The following FTO variants were observed in gnomAD, a reference collection of about 807,000 sequenced individuals.
The protein encoded by FTO is FTO alpha-ketoglutarate dependent dioxygenase.
FTO carries 47 observed loss-of-function variants against 63.9 expected under a neutral mutation model. That is an observed-to-expected ratio of 0.74 (90% confidence interval 0.58 to 0.94). FTO has a LOEUF of 0.94. Ranked by LOEUF, FTO falls within the 40% of genes least tolerant of loss-of-function variation. The probability of loss-of-function intolerance (pLI) is 0.00; values close to 1 mark genes in which losing one functional copy is unlikely to be tolerated. For missense variants in FTO, 562 were observed against 618.1 expected, an observed-to-expected ratio of 0.91 and a Z score of 0.96; for synonymous variants, 207 against 224.4, an observed-to-expected ratio of 0.92 and a Z score of 0.69.
intron 7 of FTO, among the ~76,000 whole-genome samples, chr16:53,896,881 A>G (rs578253704): frequency 6.6e-6 from 1 of 152,230 alleles, no homozygotes; most frequent in African/African-American, 2.4e-5. Context: ...TGGGTTAAAT[A>G]CTTTGAGAGG....
chr16:53,805,691 C>T (rs1298421380), intron 1 of FTO, among the ~76,000 whole-genome samples: 1 of 152,154 alleles, frequency 6.6e-6, no homozygotes, highest in Non-Finnish European at 1.5e-5. Flanking sequence ...CTCAGGTGAT[C>T]GTCCTGCCTC....
chr16:53,747,114 A>G (rs900614585), intron 1 of FTO, among the ~76,000 whole-genome samples: 4 of 152,228 alleles, frequency 2.6e-5, no homozygotes, highest in Non-Finnish European at 5.9e-5. Context: ...CTGTTGATGA[A>G]CACTTTGGTT....
chr16:53,723,767 G>A (rs1177671480), intron 1 of FTO, among the ~76,000 whole-genome samples: 4 of 152,166 alleles, frequency 2.6e-5, no homozygotes, highest in Non-Finnish European at 5.9e-5. Context: ...AGGGAGAGTG[G>A]TAACCTAGGT....
intron 1 of FTO, among the ~76,000 whole-genome samples, chr16:53,762,823 T>C (rs912120614): frequency 6.6e-6 from 1 of 152,218 alleles, no homozygotes; most frequent in African/African-American, 2.4e-5. Flanking sequence ...TTTTAATCAG[T>C]CCTTAACAGA....
intron 1 of FTO, among the ~76,000 whole-genome samples, chr16:53,790,952 A>T (rs568231714): frequency 6.6e-6 from 1 of 152,312 alleles, no homozygotes; most frequent in East Asian, 1.9e-4. Flanking sequence ...AAGACCTGAA[A>T]CAGAGACAGA....
intron 8 of FTO, among the ~76,000 whole-genome samples, chr16:53,976,935 T>G (rs188599688): frequency 1.4e-4 from 21 of 152,304 alleles, no homozygotes; most frequent in African/African-American, 5.0e-4. Context: ...AGGAATTAAA[T>G]AATCCAAAAT....
At chr16:53,945,105 A>G (rs1030432703) in intron 8 of FTO, among the ~76,000 whole-genome samples, 10 of 152,208 alleles carry the variant, frequency 6.6e-5, no homozygotes, top group African/African-American at 2.2e-4. Flanking sequence ...TATGTAAGAA[A>G]GAAGCGACTT....
chr16:53,704,228 A>G lies in FTO; in HGVS notation c.44A>G (p.Lys15Arg). The G allele has an allele frequency of 6.4e-7, 1 of 1,551,436 alleles. No homozygotes were observed. The highest frequency in any genetic ancestry group is 1.4e-5 in the African/African-American group (1 of 73,152). Residue 15 changes from lysine to arginine, a missense_variant and splice_region_variant, in exon 1 of 9, where the codon AAG (lysine) becomes AGG (arginine). Transcript: ENST00000471389. ...GCCGAGGAACGAGAGCGCGAAGCTA[A>G]GGTATGTCGGGCTCCCGGGGCCTGG... is the stretch of plus-strand genomic sequence containing the variant. ...PTAEEREREAKKLRLLEELED... is the reference protein window; with the variant it reads ...PTAEEREREARKLRLLEELED...
chr16:53,998,044 T>C (rs1237082192), intron 8 of FTO, among the ~76,000 whole-genome samples: 1 of 152,212 alleles, frequency 6.6e-6, no homozygotes, highest in Admixed American at 6.5e-5. Context: ...CATAGGCCCC[T>C]CTTTTATGTA....
intron 1 of FTO, among the ~76,000 whole-genome samples, chr16:53,765,704 A>G (rs1221127578): frequency 2.0e-5 from 3 of 152,150 alleles, no homozygotes; most frequent in African/African-American, 7.2e-5. Flanking sequence ...GTGAACTCCA[A>G]AGGATGACAA....
At chr16:54,056,125 T>G (rs2085427664) in intron 8 of FTO, among the ~76,000 whole-genome samples, 1 of 152,226 alleles carries the variant, frequency 6.6e-6, no homozygotes, top group Non-Finnish European at 1.5e-5. Context: ...AACAATAGCA[T>G]GCATGATATC....
chr16:53,869,112 A>C (rs1352768222), intron 4 of FTO, among the ~76,000 whole-genome samples: 2 of 152,088 alleles, frequency 1.3e-5, no homozygotes, highest in East Asian at 3.9e-4. Flanking sequence ...GATTACAGAC[A>C]TGAGCCACCA....
chr16:53,803,023 A>C (rs1436983519), intron 1 of FTO, among the ~76,000 whole-genome samples: 4 of 152,090 alleles, frequency 2.6e-5, no homozygotes, highest in Admixed American at 2.0e-4. Flanking sequence ...CTGTTTTTGC[A>C]CCAGTTTCAA....
At chr16:53,997,161 AG>A (rs1417135844) in intron 8 of FTO, among the ~76,000 whole-genome samples, 4 of 145,238 alleles carry the variant, frequency 2.8e-5, no homozygotes, top group Non-Finnish European at 6.1e-5. Flanking sequence ...AGAGAGAGAG[AG>A]AAAAGAGAGA....
chr16:53,866,821 C>T (rs2080330986), intron 4 of FTO, among the ~76,000 whole-genome samples: 1 of 151,902 alleles, frequency 6.6e-6, no homozygotes, highest in Admixed American at 6.6e-5. Flanking sequence ...CCAACTTTTG[C>T]TTTCATTAAG....
chr16:53,820,834 C>T lies in FTO; in HGVS notation c.124-5030C>T, dbSNP rs114239260. On this transcript the variant is annotated intron_variant, in intron 2 of 8. Transcript: ENST00000471389. ...AAAATGACCCAGGGATGGGAAGGAC[C>T]ATCCAGGTGTGGAGTTGGGGGAGGA... Among the ~76,000 whole-genome samples the T allele has an allele frequency of 7.3e-3, 1,118 of 152,214 alleles. 11 individuals carry two copies. The highest frequency in any genetic ancestry group is 0.025 in the African/African-American group (1,052 of 41,522).
At chr16:53,889,029 C>G (rs766978901) in intron 7 of FTO, 78 bp downstream of exon 7, 35 of 1,462,368 alleles carry the variant, frequency 2.4e-5, no homozygotes, top group Admixed American at 2.0e-4. Flanking sequence ...TTTGCTTAGG[C>G]AAATGTAGAT....
intron 8 of FTO, among the ~76,000 whole-genome samples, chr16:53,948,183 T>C (rs547283883): frequency 1.3e-5 from 2 of 152,184 alleles, no homozygotes; most frequent in Admixed American, 1.3e-4. Context: ...ATCATTACAC[T>C]GCGGCTGTAT....
At chr16:53,906,732 C>A (rs2081548659) in intron 7 of FTO, among the ~76,000 whole-genome samples, 1 of 152,064 alleles carries the variant, frequency 6.6e-6, no homozygotes, top group Admixed American at 6.6e-5. Context: ...GTGGTAGAAG[C>A]AGGAAGATGC....
Sources: allele counts gnomAD v4.1 joint callset (sites outside exome capture counted in the v4.1 genomes callset), GRCh38; gene constraint gnomAD v4.1.1; transcripts MANE v1.5; gene names NCBI Gene and HGNC (gene_info 2026-07-23, HGNC 2026-07-21).